PACS2: variants seen among roughly 807,000 people sequenced by gnomAD.
PACS2 encodes the protein phosphofurin acidic cluster sorting protein 2.
Under a neutral mutation model 113.0 loss-of-function variants are expected in PACS2, and 36 were observed. That is an observed-to-expected ratio of 0.32 (90% confidence interval 0.24 to 0.42). The LOEUF (loss-of-function observed/expected upper bound fraction) is 0.42, where lower values mean the gene tolerates loss of function less well. PACS2 is among the 10% of genes least tolerant of loss of function. The pLI is 1.00. For synonymous variants in PACS2, 589 were observed against 536.1 expected (o/e 1.10, Z -1.36); for missense variants, 1,015 against 1,239.5 (o/e 0.82, Z 2.72).
chr14:105,363,987 A>AT (rs2060827952), intron 4 of PACS2, among the ~76,000 whole-genome samples: 1 of 152,136 alleles, frequency 6.6e-6, no homozygotes, highest in South Asian at 2.1e-4. Flanking sequence ...ACACCTACTG[A>AT]TTAAGTTCAC....
intron 1 of PACS2, among the ~76,000 whole-genome samples, chr14:105,342,958 A>G (rs1284972987): frequency 6.6e-6 from 1 of 150,474 alleles, no homozygotes; most frequent in African/African-American, 2.5e-5. Flanking sequence ...AAAAGACAGT[A>G]TTGTTATGGT....
At chr14:105,318,593 G>A (rs996085812) in intron 1 of PACS2, among the ~76,000 whole-genome samples, 4 of 151,674 alleles carry the variant, frequency 2.6e-5, no homozygotes, top group Non-Finnish European at 5.9e-5. Flanking sequence ...AGGACTACAG[G>A]CGCCTGCCAG....
intron 4 of PACS2, among the ~76,000 whole-genome samples, chr14:105,359,080 C>T (rs1034935894): frequency 1.5e-4 from 23 of 152,284 alleles, no homozygotes; most frequent in African/African-American, 5.1e-4. Flanking sequence ...GTCACACACA[C>T]GTCCATCCCT....
chr14:105,345,281 C>T (rs2059881342), intron 1 of PACS2, among the ~76,000 whole-genome samples: 1 of 151,826 alleles, frequency 6.6e-6, no homozygotes, highest in Admixed American at 6.6e-5. Flanking sequence ...ATGTCGGGCG[C>T]CTGTAGTCCC....
chr14:105,387,400 A>G (rs943154563), intron 19 of PACS2, among the ~76,000 whole-genome samples: 6 of 152,180 alleles, frequency 3.9e-5, no homozygotes, highest in Non-Finnish European at 8.8e-5. Flanking sequence ...CATGGGTGGA[A>G]AGGGCTGCTC....
At chr14:105,351,766 G>A (rs116704150) in intron 2 of PACS2, among the ~76,000 whole-genome samples, 4,182 of 152,280 alleles carry the variant, frequency 0.027, 190 homozygotes, top group African/African-American at 0.094. Context: ...GATTGCCTGA[G>A]CCTAGGAGGT....
In PACS2 at chr14:105,354,217, G is replaced by C. The variant is rs1366585839; in HGVS notation, c.298-835G>C. 6.6e-6 allele frequency among the ~76,000 whole-genome samples: 1 copy of C among 152,198 alleles called. No homozygotes were observed. Among genetic ancestry groups the C allele is most frequent in the Non-Finnish European group, 1.5e-5 (1 of 68,046 alleles). On this transcript the variant is annotated intron_variant, in intron 3 of 24. Coordinates refer to ENST00000447393, the MANE Select transcript of PACS2 (RefSeq NM_001100913.3). The surrounding 1 kb of genome is among the most constrained non-coding windows in gnomAD (Gnocchi z 4.2). ...CAATCCCAGCTCTTCGGGAGGCTGA[G>C]GCAGGAGGATTGCTTGAACCCAGGA...
intron 1 of PACS2, among the ~76,000 whole-genome samples, chr14:105,322,174 G>T (rs759551127): frequency 4.6e-5 from 7 of 150,634 alleles, no homozygotes; most frequent in Non-Finnish European, 7.4e-5. Context: ...TCGACCTCGT[G>T]ATCCGCCCGC....
intron 1 of PACS2, among the ~76,000 whole-genome samples, chr14:105,322,935 G>T (rs1020699551): frequency 6.6e-5 from 10 of 152,184 alleles, no homozygotes; most frequent in African/African-American, 2.4e-4. Flanking sequence ...CCTGAGCAGG[G>T]CGTGTGCTGG....
intron 19 of PACS2, 28 bp from the exon 20 acceptor site, chr14:105,389,933 G>A (rs1555414456): frequency 6.2e-7 from 1 of 1,609,436 alleles, no homozygotes; most frequent in Non-Finnish European, 8.5e-7. Flanking sequence ...CCTGAGGAGA[G>A]CTTAACTGTC....
chr14:105,316,374 T>C (rs1301708938), intron 1 of PACS2, among the ~76,000 whole-genome samples: 2 of 152,174 alleles, frequency 1.3e-5, no homozygotes, highest in African/African-American at 4.8e-5. Flanking sequence ...GCTTCTCCAT[T>C]CCAGGTCTTG....
Position 105,355,824 on chromosome 14 carries a change from T to C in PACS2, c.423+647T>C, listed in dbSNP as rs1397248622. Among the ~76,000 whole-genome samples, 2 of 152,170 alleles carry C rather than the reference T, an allele frequency of 1.3e-5. No homozygotes were observed. Among genetic ancestry groups the C allele is most frequent in the Non-Finnish European group, 2.9e-5 (2 of 68,024 alleles). On this transcript the variant is annotated intron_variant, in intron 4 of 24. Transcript: ENST00000447393. This position sits in a 1 kb window ranked among gnomAD's most constrained non-coding sequence, Gnocchi z 4.1. ...GGGCCTGGGAGAAGACACCCCAGGCTGAGGCCTCGGACTTTCTCATGGACC... is the reference window on the plus strand; with the variant it reads ...GGGCCTGGGAGAAGACACCCCAGGCCGAGGCCTCGGACTTTCTCATGGACC...
Position 105,356,944 on chromosome 14 carries a change from C to T in PACS2, c.423+1767C>T, listed in dbSNP as rs1301198742. Among the ~76,000 whole-genome samples the T allele has an allele frequency of 2.7e-5, 4 of 149,842 alleles. No homozygotes were observed. Among genetic ancestry groups the T allele is most frequent in the Non-Finnish European group, 4.4e-5 (3 of 67,718 alleles). On this transcript the variant is annotated intron_variant, in intron 4 of 24. Transcript: ENST00000447393. The surrounding 1 kb of genome is among the most constrained non-coding windows in gnomAD (Gnocchi z 4.0). ...CCATGCAGGCGATGTCCTGCTGATC[C>T]CTGCCGGTCCCTGTGTTTCCCATTA...
At chr14:105,326,846 C>T (rs2059128422) in intron 1 of PACS2, among the ~76,000 whole-genome samples, 1 of 152,214 alleles carries the variant, frequency 6.6e-6, no homozygotes, top group Non-Finnish European at 1.5e-5. Flanking sequence ...GCTGTGGTGC[C>T]CTGGGTGGCC....
chr14:105,371,304 G>A (rs1180986689), intron 8 of PACS2: 5 of 152,360 alleles, frequency 3.3e-5, no homozygotes, highest in Non-Finnish European at 7.3e-5. Context: ...AGCGCCTGTG[G>A]GTTCAGGGGT....
chr14:105,376,101 C>T lies in PACS2; in HGVS notation c.802-667C>T, dbSNP rs1379517417. Among the ~76,000 whole-genome samples, 3 of 152,264 alleles carry T rather than the reference C, an allele frequency of 2.0e-5. No homozygotes were observed. The highest frequency in any genetic ancestry group is 1.9e-4 in the East Asian group (1 of 5,178). ...AAACCATCAGATCTCTTAAGATGTG[C>T]TCATTATCATGAGAACAGCGTGGAG... On this transcript the variant is annotated intron_variant, in intron 8 of 24. Coordinates refer to ENST00000447393, the MANE Select transcript of PACS2 (RefSeq NM_001100913.3). The surrounding 1 kb of genome is among the most constrained non-coding windows in gnomAD (Gnocchi z 4.7).
At chr14:105,341,554 G>T (rs377546109) in intron 1 of PACS2, among the ~76,000 whole-genome samples, 4 of 152,206 alleles carry the variant, frequency 2.6e-5, no homozygotes, top group Non-Finnish European at 4.4e-5. Flanking sequence ...TGGTGTCTTT[G>T]TTATGATTCT....
Position 105,355,195 on chromosome 14 carries a change from C to A in PACS2, c.423+18C>A. 1 of 1,608,860 alleles carries A rather than the reference C, an allele frequency of 6.2e-7. No homozygotes were observed. The highest frequency in any genetic ancestry group is 8.5e-7 in the Non-Finnish European group (1 of 1,177,748). ...TGGCTGAGGTGAGTGCTCCGTCTGG[C>A]GTGGCCTGCGTCGGGCTGGCCACCT... On this transcript the variant is annotated intron_variant, in intron 4 of 24. Coordinates refer to ENST00000447393, the MANE Select transcript of PACS2 (RefSeq NM_001100913.3). The surrounding 1 kb of genome is among the most constrained non-coding windows in gnomAD (Gnocchi z 4.1).
intron 5 of PACS2, 88 bp from the exon 6 acceptor site, chr14:105,367,986 T>C (rs2141146713): frequency 2.4e-6 from 2 of 835,198 alleles, no homozygotes; most frequent in East Asian, 2.5e-5. Context: ...GCCCCCACTC[T>C]GTGTCCAGGG....
Sources: allele counts gnomAD v4.1 joint callset (sites outside exome capture counted in the v4.1 genomes callset), GRCh38; gene constraint gnomAD v4.1.1; non-coding constraint Gnocchi (gnomAD v3.1); transcripts MANE v1.5; gene names NCBI Gene and HGNC (gene_info 2026-07-23, HGNC 2026-07-21).